Variants in NDUFS1 observed in about 807,000 individuals in gnomAD.
NDUFS1 encodes NADH-ubiquinone oxidoreductase 75 kDa subunit, mitochondrial.
In NDUFS1, 61 loss-of-function variants were observed where a neutral mutation model predicts 84.4. That is an observed-to-expected ratio of 0.72 (90% confidence interval 0.59 to 0.89). The LOEUF is 0.89. NDUFS1 is among the 40% of genes least tolerant of loss of function. The pLI is 0.00. For missense variants in NDUFS1, 891 were observed against 890.0 expected, an observed-to-expected ratio of 1.00 and a Z score of -0.01; for synonymous variants, 275 against 290.0, an observed-to-expected ratio of 0.95 and a Z score of 0.53.
At chr2:206,126,467 T>A in intron 18 of NDUFS1, 72 bp downstream of exon 18, 1 of 1,373,710 alleles carries the variant, frequency 7.3e-7, no homozygotes, top group Non-Finnish European at 1.0e-6. Flanking sequence ...ATTGGAATTA[T>A]AACACCAAAT....
At chr2:206,142,974 A>G (rs1374666717) in intron 10 of NDUFS1, 143 bp from the exon 11 acceptor site, 5 of 1,179,722 alleles carry the variant, frequency 4.2e-6, no homozygotes, top group African/African-American at 3.1e-5. Context: ...CAACATGCCC[A>G]GGCACACTGG....
rs1691134096 is a variant in NDUFS1 at position 206,122,635 on chromosome 2, A to AAAAAAAAAAAAC, written c.*1549_*1550insGTTTTTTTTTTT. The AAAAAAAAAAAAC allele has an allele frequency of 2.6e-5, 4 of 151,542 alleles. 1 individual carries two copies. The highest frequency in any genetic ancestry group is 9.7e-5 in the African/African-American group (4 of 41,226). The allele number at this position is 151,542 out of a possible 1,614,324, so 9.4% of individuals were successfully genotyped here. A position where few individuals can be genotyped will look rare whatever the true frequency, so the allele number is the denominator to read the frequency against. On this transcript the variant is annotated 3_prime_UTR_variant, in exon 19 of 19. Coordinates refer to ENST00000233190, the MANE Select transcript of NDUFS1 (RefSeq NM_005006.7). Reference sequence around the variant, plus strand: ...ACAGAGTAAGACTCCATCTCAAAAAAAAAAAAAAAACAAAGGGAAAAAGGG... The same window carrying AAAAAAAAAAAAC: ...ACAGAGTAAGACTCCATCTCAAAAAAAAAAAAAAAAACAAAAAAAAAACAAAGGGAAAAAGGG...
chr2:206,128,140 C>T (rs1241502918), intron 15 of NDUFS1, among the ~76,000 whole-genome samples, 168 bp from the exon 16 acceptor site: 1 of 151,946 alleles, frequency 6.6e-6, no homozygotes, highest in Non-Finnish European at 1.5e-5. Flanking sequence ...CCACCTCAAC[C>T]CTAATTCAAC....
intron 4 of NDUFS1, 173 bp downstream of exon 4, chr2:206,149,643 ATG>A (rs779854614): frequency 4.6e-5 from 29 of 627,152 alleles, no homozygotes; most frequent in Non-Finnish European, 7.7e-5. Flanking sequence ...ACTTCTATCT[ATG>A]TGTTTCCAGT....
chr2:206,136,081 C>T (rs1691699740), intron 13 of NDUFS1, among the ~76,000 whole-genome samples: 1 of 150,716 alleles, frequency 6.6e-6, no homozygotes, highest in Non-Finnish European at 1.5e-5. Flanking sequence ...GATGGAGTCT[C>T]ACTCTGTCAC....
intron 4 of NDUFS1, 87 bp downstream of exon 4, chr2:206,149,731 A>T: frequency 1.1e-6 from 1 of 949,844 alleles, no homozygotes; most frequent in Non-Finnish European, 1.7e-6. Flanking sequence ...GTTCTCCACT[A>T]CGATATTGAT....
chr2:206,152,421 G>C lies in NDUFS1; in HGVS notation c.151C>G (p.Gln51Glu), dbSNP rs780500114. ...VMVEPGTTVL[Q>E]ACEKVGMQIP... is the part of the protein sequence containing the mutation. Reference sequence around the variant, plus strand: ...AAATAGTTAGAATGTATGCCTACTTGGAGGACGGTCGTTCCCGGTTCCACC... The same window carrying C: ...AAATAGTTAGAATGTATGCCTACTTCGAGGACGGTCGTTCCCGGTTCCACC... Residue 51 changes from glutamine (Q) to glutamate (E), a missense_variant and splice_region_variant, in exon 3 of 19, where the codon CAA (glutamine) becomes GAA (glutamate). By Grantham distance (29) the Gln-to-Glu change is conservative. Coordinates refer to ENST00000233190, the MANE Select transcript of NDUFS1 (RefSeq NM_005006.7). 4.3e-6 allele frequency: 7 copies of C among 1,613,144 alleles called. No homozygotes were observed. The highest frequency in any genetic ancestry group is 5.9e-6 in the Non-Finnish European group (7 of 1,179,240).
rs771316181 is a variant in NDUFS1 at position 206,130,212 on chromosome 2, A to AAGGTCC, written c.1578_1583dup (p.Asp527_Leu528dup). 1 of 1,614,226 alleles carries AAGGTCC rather than the reference A, an allele frequency of 6.2e-7. No homozygotes were observed. The highest frequency in any genetic ancestry group is 1.3e-5 in the African/African-American group (1 of 75,068). On this transcript the variant is annotated inframe_insertion, in exon 15 of 19. Transcript: ENST00000233190. ...TTGCTTCCACCCCAGGCTTATAGCC[A>AAGGTCC]AGGTCCAAAGCAGCTACTTGACTTG...
rs1690937104 is a variant in NDUFS1 at position 206,116,167 on chromosome 2, T to C, written c.*8018A>G. Reference sequence around the variant, plus strand: ...ATGCTTCTTCACTCATAAGTTCATCTAGTTATGAAGGGTTACTCAGTGTCA... The same window carrying C: ...ATGCTTCTTCACTCATAAGTTCATCCAGTTATGAAGGGTTACTCAGTGTCA... On this transcript the variant is annotated 3_prime_UTR_variant, in exon 19 of 19. Coordinates refer to ENST00000233190, the MANE Select transcript of NDUFS1 (RefSeq NM_005006.7). The C allele has an allele frequency of 1.3e-6, 2 of 1,543,308 alleles. No homozygotes were observed. Among genetic ancestry groups the C allele is most frequent in the East Asian group, 4.5e-5 (2 of 44,596 alleles).
In NDUFS1 at chr2:206,121,393, AAT is replaced by A. The variant is rs1320148340; in HGVS notation, c.*2790_*2791del. 2 of 152,202 alleles carry A rather than the reference AAT, an allele frequency of 1.3e-5. No individual in the cohort carries two copies. The highest frequency in any genetic ancestry group is 2.9e-5 in the Non-Finnish European group (2 of 68,036). 9.4% of individuals were successfully genotyped at this position (152,202 alleles called of 1,614,324 possible). On this transcript the variant is annotated 3_prime_UTR_variant, in exon 19 of 19. Transcript: ENST00000233190. ...CCTTAGTATTTGGCATTACGACACT[AAT>A]ATGTGCCCATGAGACAGACGGAGCA...
At chr2:206,125,648 CTT>C (rs766126461) in intron 18 of NDUFS1, among the ~76,000 whole-genome samples, 64 of 147,618 alleles carry the variant, frequency 4.3e-4, no homozygotes, top group African/African-American at 1.5e-3. Context: ...AGTGATTTTT[CTT>C]TTTTTAAAAA....
At chr2:206,126,954 A>G (rs1399917608) in intron 16 of NDUFS1, 110 bp from the exon 17 acceptor site, 2 of 1,290,058 alleles carry the variant, frequency 1.6e-6, no homozygotes, top group Non-Finnish European at 2.2e-6. Context: ...TGAAAAACCT[A>G]TTGGTGTCCA....
At position 206,124,231 on chromosome 2, in the gene NDUFS1, G is replaced by T; in HGVS notation, c.2138C>A (p.Ala713Asp). The change falls in exon 19 of 19, where the codon GCT becomes GAT. Residue 713 changes from alanine to aspartate, a missense_variant. Transcript: ENST00000233190. Reference sequence around the variant, plus strand: ...TACTGCCTGGGCACCCTCTGTGACAGCTTTGACACATTTGGCCATTGTCTG... The same window carrying T: ...TACTGCCTGGGCACCCTCTGTGACATCTTTGACACATTTGGCCATTGTCTG... Reference protein sequence around the residue: ...ASQTMAKCVKAVTEGAQAVEE... With the variant: ...ASQTMAKCVKDVTEGAQAVEE... The T allele has an allele frequency of 6.2e-7, 1 of 1,613,576 alleles. No homozygotes were observed. Among genetic ancestry groups the T allele is most frequent in the Non-Finnish European group, 8.5e-7 (1 of 1,179,516 alleles).
chr2:206,159,206 A>G, intron 1 of NDUFS1, 135 bp downstream of exon 1: 1 of 1,497,784 alleles, frequency 6.7e-7, no homozygotes, highest in Non-Finnish European at 9.0e-7. Context: ...GGGGCTTCCG[A>G]GGCGGCGGGG....
chr2:206,125,647 T>C (rs1360888810), intron 18 of NDUFS1, among the ~76,000 whole-genome samples: 2 of 151,724 alleles, frequency 1.3e-5, no homozygotes, highest in African/African-American at 4.8e-5. Flanking sequence ...TAGTGATTTT[T>C]CTTTTTTTAA....
chr2:206,142,017 C>T lies in NDUFS1; in HGVS notation c.1186G>A (p.Glu396Lys), dbSNP rs141724890. The part of the protein sequence containing the change: ...LLNTTIAGVE[E>K]ADVVLLVGTN... ...CCAACCAGAAGAACAACATCTGCCT[C>T]TTCCACACCAGCAATTGTAGTATTA... The change falls in exon 12 of 19, where the codon GAG becomes AAG. Residue 396 changes from glutamate to lysine, a missense_variant. By Grantham distance (56) the Glu-to-Lys change is moderately conservative. Transcript: ENST00000233190. 1.3e-4 allele frequency: 202 copies of T among 1,607,242 alleles called. No homozygotes were observed. Among genetic ancestry groups the T allele is most frequent in the Non-Finnish European group, 1.6e-4 (187 of 1,173,852 alleles).
chr2:206,126,593 G>A lies in NDUFS1; in HGVS notation c.2038C>T (p.Leu680Phe), dbSNP rs1411299502. The A allele has an allele frequency of 6.2e-7, 1 of 1,614,016 alleles. No homozygotes were observed. Among genetic ancestry groups the A allele is most frequent in the African/African-American group, 1.3e-5 (1 of 74,918 alleles). The change falls in exon 18 of 19, where the codon CTT becomes TTT. Residue 680 changes from leucine to phenylalanine, a missense_variant. By Grantham distance (22) the Leu-to-Phe change is conservative. Coordinates refer to ENST00000233190, the MANE Select transcript of NDUFS1 (RefSeq NM_005006.7). ...TGAGGTGGAACAAGTGGGTCAGCAA[G>A]AAGCTGCTGGTTCACTAGCTGCACA... ...ELSKLVNQQL[L>F]ADPLVPPQLT...
In NDUFS1 at chr2:206,140,496, T is replaced by C. The variant is rs76765608; in HGVS notation, c.1262+1445A>G. 7.9e-3 allele frequency among the ~76,000 whole-genome samples: 1,196 copies of C among 152,146 alleles called. 7 individuals are homozygous for C. Among genetic ancestry groups the C allele is most frequent in the South Asian group, 0.031 (150 of 4,820 alleles). Reference sequence around the variant, plus strand: ...ACCAAAAAAACTAAATTTCTTTTTTTTGAGATGGAGTGTTGCTCTTGTTGC... The same window carrying C: ...ACCAAAAAAACTAAATTTCTTTTTTCTGAGATGGAGTGTTGCTCTTGTTGC... On this transcript the variant is annotated intron_variant, in intron 12 of 18. Coordinates refer to ENST00000233190, the MANE Select transcript of NDUFS1 (RefSeq NM_005006.7).
chr2:206,150,030 T>C (rs1692313234), intron 3 of NDUFS1, 105 bp from the exon 4 acceptor site: 3 of 699,850 alleles, frequency 4.3e-6, no homozygotes, highest in Non-Finnish European at 7.5e-6. Flanking sequence ...TACTTCTATC[T>C]ATCTATCTAT....
Sources: gnomAD v4.1 joint callset for allele counts (sites outside exome capture counted in the v4.1 genomes callset) on GRCh38, gnomAD v4.1.1 for gene constraint, MANE v1.5 for transcripts, NCBI Gene and HGNC (gene_info 2026-07-23, HGNC 2026-07-21) for gene names.